Variants in EPHB1 observed in about 807,000 individuals in gnomAD.
EPHB1 encodes ephrin type-B receptor 1.
EPHB1 carries 30 observed loss-of-function variants against 94.4 expected under a neutral mutation model. The observed-to-expected ratio is 0.32, with a 90% confidence interval of 0.24 to 0.43. The LOEUF (loss-of-function observed/expected upper bound fraction) is 0.43, where lower values mean the gene tolerates loss of function less well. Ranked by LOEUF, EPHB1 falls within the 20% of genes least tolerant of loss-of-function variation. The probability of loss-of-function intolerance (pLI) is 1.00; values close to 1 mark genes in which losing one functional copy is unlikely to be tolerated. For missense variants in EPHB1, 1,055 were observed against 1,308.3 expected (o/e 0.81, Z 2.99); for synonymous variants, 522 against 489.1 (o/e 1.07, Z -0.89).
chr3:135,155,682 C>T (rs974473243), intron 6 of EPHB1, among the ~76,000 whole-genome samples: 2 of 138,124 alleles, frequency 1.4e-5, no homozygotes, highest in Non-Finnish European at 3.1e-5. Flanking sequence ...GCAGGCTACT[C>T]GGGAGGCTGA....
intron 9 of EPHB1, among the ~76,000 whole-genome samples, chr3:135,169,597 G>A (rs972278918): frequency 1.3e-5 from 2 of 152,132 alleles, no homozygotes; most frequent in Non-Finnish European, 2.9e-5. Context: ...TAGAGCTGGC[G>A]GATGGCTCAG....
chr3:134,894,332 C>T (rs1024623962), intron 1 of EPHB1, among the ~76,000 whole-genome samples: 1 of 152,164 alleles, frequency 6.6e-6, no homozygotes, highest in Admixed American at 6.5e-5. Context: ...TCAGGTCACC[C>T]CTCTCTTGGG....
chr3:134,867,338 C>G (rs749487119), intron 1 of EPHB1, among the ~76,000 whole-genome samples: 4 of 152,218 alleles, frequency 2.6e-5, no homozygotes, highest in Non-Finnish European at 4.4e-5. Flanking sequence ...TAACACCCCA[C>G]TGCTCAAATG....
At chr3:135,205,940 A>C (rs1330160314) in intron 12 of EPHB1, among the ~76,000 whole-genome samples, 1 of 152,204 alleles carries the variant, frequency 6.6e-6, no homozygotes, top group Non-Finnish European at 1.5e-5. Context: ...GTTTTTAAAA[A>C]TGCGTGCAAC....
chr3:135,129,333 G>T (rs11708046), intron 4 of EPHB1, among the ~76,000 whole-genome samples: 2 of 151,550 alleles, frequency 1.3e-5, no homozygotes, highest in East Asian at 3.9e-4. Flanking sequence ...TGAGAGACTG[G>T]GCAAAACTCT....
intron 1 of EPHB1, among the ~76,000 whole-genome samples, chr3:134,876,024 T>C (rs2037609713): frequency 6.6e-6 from 1 of 152,194 alleles, no homozygotes. Context: ...CACTGAGTCG[T>C]GTGCTAGGTA....
chr3:135,196,076 T>C (rs1253720193), intron 11 of EPHB1, among the ~76,000 whole-genome samples: 3 of 149,822 alleles, frequency 2.0e-5, no homozygotes, highest in African/African-American at 2.5e-5. Context: ...TGCATTTCTC[T>C]GATGGCCAGT....
At chr3:135,104,888 A>T (rs1161302931) in intron 3 of EPHB1, among the ~76,000 whole-genome samples, 1 of 152,234 alleles carries the variant, frequency 6.6e-6, no homozygotes. Context: ...TAACTTTCAC[A>T]GCATAGGAAA....
intron 1 of EPHB1, among the ~76,000 whole-genome samples, chr3:134,913,221 G>C (rs981250793): frequency 6.6e-6 from 1 of 152,168 alleles, no homozygotes; most frequent in African/African-American, 2.4e-5. Context: ...CACCCTCAGT[G>C]GTGGGGAGCA....
intron 8 of EPHB1, among the ~76,000 whole-genome samples, chr3:135,166,556 C>T (rs1941657560): frequency 2.6e-5 from 4 of 152,208 alleles, no homozygotes; most frequent in Admixed American, 1.3e-4. Flanking sequence ...ACTGCTGCTA[C>T]TGCCTTCAGT....
At chr3:135,154,698 T>C (rs549732730) in intron 6 of EPHB1, among the ~76,000 whole-genome samples, 1 of 152,342 alleles carries the variant, frequency 6.6e-6, no homozygotes, top group Admixed American at 6.5e-5. Context: ...ATTATATGCA[T>C]GTACTACTGC....
At chr3:135,022,918 C>A (rs1045664121) in intron 3 of EPHB1, among the ~76,000 whole-genome samples, 13 of 152,112 alleles carry the variant, frequency 8.5e-5, no homozygotes, top group Non-Finnish European at 1.6e-4. Context: ...CTTTAGAGCT[C>A]ATGTGTGTCT....
intron 1 of EPHB1, among the ~76,000 whole-genome samples, chr3:134,891,764 G>A (rs1364814703): frequency 6.6e-6 from 1 of 152,180 alleles, no homozygotes; most frequent in Non-Finnish European, 1.5e-5. Context: ...GGATCCAAAG[G>A]TCTGTTTGAG....
chr3:135,177,354 G>A (rs563104439), intron 9 of EPHB1, among the ~76,000 whole-genome samples: 2 of 152,296 alleles, frequency 1.3e-5, no homozygotes, highest in South Asian at 4.1e-4. Context: ...GAGTGCATCT[G>A]TTGCTGCCAG....
rs1376139592 is a variant in EPHB1, at chr3:135,052,989, G to GTA, written c.806-53451_806-53450dup. 2.1e-3 allele frequency among the ~76,000 whole-genome samples: 208 copies of GTA among 99,630 alleles called. 2 individuals are homozygous for GTA. Among genetic ancestry groups the GTA allele is most frequent in the South Asian group, 6.9e-3 (20 of 2,898 alleles). 65.4% of individuals were successfully genotyped at this position (99,630 alleles called of 152,430 possible). ...TATATATGTGTATATATATGTGTGT[G>GTA]TATATATATGTGTGTGTATATATAT... On this transcript the variant is annotated intron_variant, in intron 3 of 15. Coordinates refer to ENST00000398015, the MANE Select transcript of EPHB1 (RefSeq NM_004441.5).
In EPHB1 at chr3:134,795,284, T is replaced by A; in HGVS notation, c.-348T>A. 5.0e-6 allele frequency: 2 copies of A among 402,558 alleles called. No individual in the cohort carries two copies. The highest frequency in any genetic ancestry group is 7.4e-5 in the South Asian group (2 of 26,854). The allele number at this position is 402,558 out of a possible 1,614,324, so 24.9% of individuals were successfully genotyped here. On this transcript the variant is annotated 5_prime_UTR_variant, in exon 1 of 16. Transcript: ENST00000398015. ...CAGTCTGGCCGGCTCCGTCCTCCCGTAGGCTCCGCTGTAGCTAGCAATGTG... is the reference window on the plus strand; with the variant it reads ...CAGTCTGGCCGGCTCCGTCCTCCCGAAGGCTCCGCTGTAGCTAGCAATGTG...
At chr3:135,233,740 C>G (rs1943587166) in intron 12 of EPHB1, among the ~76,000 whole-genome samples, 1 of 152,226 alleles carries the variant, frequency 6.6e-6, no homozygotes, top group Non-Finnish European at 1.5e-5. Flanking sequence ...GCAGGCATTT[C>G]CATACATCCT....
At chr3:135,052,947 A>T in intron 3 of EPHB1, among the ~76,000 whole-genome samples, 1 of 113,196 alleles carries the variant, frequency 8.8e-6, no homozygotes, top group Non-Finnish European at 1.7e-5. Flanking sequence ...ATGTGTGTAT[A>T]TATATATATG....
intron 1 of EPHB1, among the ~76,000 whole-genome samples, chr3:134,803,069 G>T (rs1478551121): frequency 6.6e-6 from 1 of 152,206 alleles, no homozygotes; most frequent in Non-Finnish European, 1.5e-5. Flanking sequence ...ACCACTAGCA[G>T]CTGCTTAAGG....
Sources: gnomAD v4.1 joint callset for allele counts (sites outside exome capture counted in the v4.1 genomes callset) on GRCh38, gnomAD v4.1.1 for gene constraint, MANE v1.5 for transcripts, NCBI Gene and HGNC (gene_info 2026-07-23, HGNC 2026-07-21) for gene names.